The following DNAJA3 variants were observed in gnomAD, a reference collection of about 807,000 sequenced individuals.
DNAJA3 encodes the protein dnaJ homolog subfamily A member 3, mitochondrial.
A neutral mutation model predicts 54.9 loss-of-function variants in DNAJA3; 29 were observed. The ratio of observed to expected loss-of-function variants is 0.53; its 90% CI spans 0.39 to 0.72. DNAJA3 has a LOEUF of 0.72. DNAJA3 is among the 30% of genes least tolerant of loss of function. The pLI is 0.00. For synonymous variants in DNAJA3, 302 were observed against 251.4 expected (o/e 1.20, Z -1.90); for missense variants, 708 against 639.4 (o/e 1.11, Z -1.16).
In DNAJA3 at chr16:4,426,006, A is replaced by T; in HGVS notation, c.125A>T (p.Lys42Met). ...EGVVGAWLSR[K>M]LSVPAFASSL... Reference sequence around the variant, plus strand: ...GTGGTGGGGGCATGGCTGAGCCGCAAGCTGAGCGTCCCCGCCTTTGCGTCT... The same window carrying T: ...GTGGTGGGGGCATGGCTGAGCCGCATGCTGAGCGTCCCCGCCTTTGCGTCT... Residue 42 changes from lysine to methionine, a missense_variant, in exon 1 of 12, where the codon AAG (lysine) becomes ATG (methionine). Lys to Met is a moderately conservative substitution (Grantham distance 95). Transcript: ENST00000262375. 2 of 1,606,244 alleles carry T rather than the reference A, an allele frequency of 1.2e-6. No individual in the cohort carries two copies. Among genetic ancestry groups the T allele is most frequent in the Non-Finnish European group, 1.7e-6 (2 of 1,177,054 alleles).
chr16:4,455,775 C>T lies in DNAJA3; in HGVS notation c.*243C>T, dbSNP rs1207859508. On this transcript the variant is annotated 3_prime_UTR_variant, in exon 12 of 12. Transcript: ENST00000262375. ...CCAGAGGCTGGTGGCAGTTTCCTGTCCATTGGTAGGTGACGGCCCCTGGCT... is the reference window on the plus strand; with the variant it reads ...CCAGAGGCTGGTGGCAGTTTCCTGTTCATTGGTAGGTGACGGCCCCTGGCT... 1.3e-5 allele frequency: 8 copies of T among 609,388 alleles called. No homozygotes were observed. In the East Asian group the frequency reaches 2.2e-4, roughly 17 times the overall value. 37.7% of individuals were successfully genotyped at this position (609,388 alleles called of 1,614,324 possible). A position where few individuals can be genotyped will look rare whatever the true frequency, so the allele number is the denominator to read the frequency against.
Position 4,448,789 on chromosome 16 carries a change from C to G in DNAJA3, c.1182C>G (p.Pro394=), listed in dbSNP as rs920181628. The stretch of plus-strand genomic sequence containing the variant: ...TTCGGATGGGTGGGAAAGGCATCCC[C>G]CGGATTAACAGCTACGGCTACGGAG... The part of the protein sequence containing the change: ...QKIRMGGKGI[P]RINSYGYGDH... The change falls in exon 9 of 12, where the codon CCC becomes CCG. Residue 394 remains proline (P), a synonymous_variant. Coordinates refer to ENST00000262375, the MANE Select transcript of DNAJA3 (RefSeq NM_005147.6). 1 of 1,614,048 alleles carries G rather than the reference C, an allele frequency of 6.2e-7. No homozygotes were observed. The highest frequency in any genetic ancestry group is 8.5e-7 in the Non-Finnish European group (1 of 1,180,014).
At chr16:4,450,321 C>T (rs762678797) in intron 9 of DNAJA3, 79 bp from the exon 10 acceptor site, 25 of 1,205,886 alleles carry the variant, frequency 2.1e-5, no homozygotes, top group Admixed American at 1.3e-4. Context: ...CCATGTGCTG[C>T]GAGGGTGCTG....
intron 11 of DNAJA3, 111 bp from the exon 12 acceptor site, chr16:4,455,435 C>T: frequency 7.6e-7 from 1 of 1,321,476 alleles, no homozygotes; most frequent in Non-Finnish European, 1.1e-6. Context: ...AAGTGGGGTT[C>T]TCGCCCCTCT....
At chr16:4,435,571 G>A (rs2056763760) in intron 2 of DNAJA3, among the ~76,000 whole-genome samples, 1 of 152,120 alleles carries the variant, frequency 6.6e-6, no homozygotes, top group Non-Finnish European at 1.5e-5. Context: ...CATATACAGG[G>A]AATCATACAA....
intron 11 of DNAJA3, 36 bp downstream of exon 11, chr16:4,454,963 T>A (rs754674466): frequency 7.0e-7 from 1 of 1,427,900 alleles, no homozygotes; most frequent in East Asian, 2.3e-5. Flanking sequence ...TCCCTTTGTT[T>A]TCCTCTGTGA....
Position 4,441,564 on chromosome 16 carries a change from C to T in DNAJA3, c.619C>T (p.Gln207Ter). The change falls in exon 4 of 12, where the codon CAG becomes TAG. Residue 207 changes from glutamine (Q) to a stop codon, truncating the protein, a stop_gained. Transcript: ENST00000262375. LOFTEE classifies it high-confidence loss of function. ...TGGAGATTTCCAGACCGTGTTTGAT[C>T]AGCCTCAGGAAGTAAGTTCCTCACT... is the stretch of plus-strand genomic sequence containing the variant. ...SFGDFQTVFD[Q>*]PQEYFMELTF... The T allele has an allele frequency of 6.2e-7, 1 of 1,614,068 alleles. No individual in the cohort carries two copies. The highest frequency in any genetic ancestry group is 8.5e-7 in the Non-Finnish European group (1 of 1,180,040).
intron 2 of DNAJA3, among the ~76,000 whole-genome samples, chr16:4,434,886 CTTTTTTTTTTTTTTTTTTTT>C (rs202179531): frequency 1.0e-5 from 1 of 100,196 alleles, no homozygotes; most frequent in African/African-American, 4.1e-5. Context: ...CCTTTCCTTT[CTTTTTTTTTTTTTTTTTTTT>C]TTTTTTTTGA....
In DNAJA3 at chr16:4,425,943, C is replaced by T. The variant is rs771681178; in HGVS notation, c.62C>T (p.Ala21Val). 6.4e-7 allele frequency: 1 copy of T among 1,563,120 alleles called. No individual in the cohort carries two copies. Among genetic ancestry groups the T allele is most frequent in the Admixed American group, 1.9e-5 (1 of 52,590 alleles). The change falls in exon 1 of 12, where the codon GCT becomes GTT. Residue 21 changes from alanine to valine, a missense_variant. Transcript: ENST00000262375. ...GTTGTGGGGACCCCGCGGCTGCCGG[C>T]TATATCGGGTAGAGGGGCCCGGCCG... ...LVVVGTPRLP[A>V]ISGRGARPPR...
chr16:4,432,146 A>G (rs987391197), intron 1 of DNAJA3, among the ~76,000 whole-genome samples: 13 of 149,108 alleles, frequency 8.7e-5, no homozygotes, highest in African/African-American at 3.2e-4. Flanking sequence ...AAGTTTATTT[A>G]CAAACATCTA....
Position 4,442,381 on chromosome 16 carries a change from C to A in DNAJA3, c.744C>A (p.Thr248=). The A allele has an allele frequency of 1.9e-6, 3 of 1,609,302 alleles. No individual in the cohort carries two copies. The highest frequency in any genetic ancestry group is 2.5e-6 in the Non-Finnish European group (3 of 1,177,706). ...RCNGKGNEPG[T]KVQHCHYCGG... ...ACGGCAAGGGGAACGAGCCCGGCAC[C>A]AAGGTGCAGCATTGCCACTACTGTG... Residue 248 remains threonine, a synonymous_variant, in exon 5 of 12, where the codon ACC becomes ACA. Coordinates refer to ENST00000262375, the MANE Select transcript of DNAJA3 (RefSeq NM_005147.6).
chr16:4,444,986 T>A (rs1184439935), intron 7 of DNAJA3, among the ~76,000 whole-genome samples: 1 of 152,170 alleles, frequency 6.6e-6, no homozygotes, highest in Non-Finnish European at 1.5e-5. Flanking sequence ...ACAGGAAACA[T>A]CTTGTGTTTT....
At chr16:4,441,129 A>G in intron 3 of DNAJA3, 2 of 549,354 alleles carry the variant, frequency 3.6e-6, no homozygotes, top group East Asian at 3.0e-5. Flanking sequence ...TTTTCCCAGC[A>G]TGCGCGACGG....
chr16:4,443,597 C>A (rs1230575368), intron 6 of DNAJA3, among the ~76,000 whole-genome samples: 1 of 152,170 alleles, frequency 6.6e-6, no homozygotes, highest in East Asian at 1.9e-4. Flanking sequence ...AACTCACTTT[C>A]TGCTTTCTTT....
chr16:4,455,013 C>T (rs1356286453), intron 11 of DNAJA3, 86 bp downstream of exon 11: 2 of 924,984 alleles, frequency 2.2e-6, no homozygotes, highest in Middle Eastern at 2.2e-4. Flanking sequence ...AATATTGTGC[C>T]CCCACCCCCA....
In DNAJA3 at chr16:4,426,182, G is replaced by C. The variant is rs1041046083; in HGVS notation, c.211+90G>C. 18 of 1,307,024 alleles carry C rather than the reference G, an allele frequency of 1.4e-5. No individual in the cohort carries two copies. The South Asian group carries it at 1.7e-4, about 12-fold the overall frequency. The allele number at this position is 1,307,024 out of a possible 1,614,324, so 81.0% of individuals were successfully genotyped here. A position where few individuals can be genotyped will look rare whatever the true frequency, so the allele number is the denominator to read the frequency against. ...TGTGACTACGGCTGCAGGGGTAGTGGGGTGGAGGGTGTCTTCCGACGCGGA... is the reference window on the plus strand; with the variant it reads ...TGTGACTACGGCTGCAGGGGTAGTGCGGTGGAGGGTGTCTTCCGACGCGGA... On this transcript the variant is annotated intron_variant, in intron 1 of 11. Coordinates refer to ENST00000262375, the MANE Select transcript of DNAJA3 (RefSeq NM_005147.6).
intron 3 of DNAJA3, among the ~76,000 whole-genome samples, chr16:4,438,082 C>T (rs1019791113): frequency 5.3e-5 from 8 of 152,116 alleles, no homozygotes; most frequent in East Asian, 3.9e-4. Flanking sequence ...TTTGGGAGGC[C>T]GAGGCAGGTG....
At chr16:4,450,522 T>C in intron 10 of DNAJA3, 25 bp downstream of exon 10, 1 of 1,572,360 alleles carries the variant, frequency 6.4e-7, no homozygotes, top group Non-Finnish European at 8.7e-7. Flanking sequence ...GACTACATGG[T>C]GACACGTGGG....
At chr16:4,452,485 C>T (rs553113454) in intron 10 of DNAJA3, among the ~76,000 whole-genome samples, 20 of 152,216 alleles carry the variant, frequency 1.3e-4, no homozygotes, top group South Asian at 4.2e-4. Flanking sequence ...AAGTTGATTC[C>T]GCCACCCACT....
Sources: gnomAD v4.1 joint callset for allele counts (sites outside exome capture counted in the v4.1 genomes callset) on GRCh38, gnomAD v4.1.1 for gene constraint, MANE v1.5 for transcripts, NCBI Gene and HGNC (gene_info 2026-07-23, HGNC 2026-07-21) for gene names.